The following GAR1 variants were observed in gnomAD, a reference collection of about 807,000 sequenced individuals.
GAR1 encodes the protein GAR1 ribonucleoprotein.
GAR1 carries 11 observed loss-of-function variants against 29.3 expected under a neutral mutation model. The observed-to-expected ratio is 0.38, with a 90% CI of 0.24 to 0.62. GAR1 has a LOEUF of 0.62. Among genes scored for constraint, GAR1 ranks in the 20% least tolerant of loss-of-function variants. The pLI is 0.62. For synonymous variants in GAR1, 87 were observed against 93.3 expected, an observed-to-expected ratio of 0.93 and a Z score of 0.39; for missense variants, 237 against 268.4, an observed-to-expected ratio of 0.88 and a Z score of 0.82.
rs75696226 is a variant in GAR1, at chr4:109,820,700, A to G, written c.429+1640A>G. On this transcript the variant is annotated intron_variant, in intron 4 of 6. Coordinates refer to ENST00000226796, the MANE Select transcript of GAR1 (RefSeq NM_018983.4). ...AGTGTTCATTGGAAGACAGCCACAT[A>G]GACATCAGGGAGTCATGGAGCCAGT... 4.6e-3 allele frequency among the ~76,000 whole-genome samples: 694 copies of G among 152,326 alleles called. 5 individuals are homozygous for G. The highest frequency in any genetic ancestry group is 0.015 in the African/African-American group (628 of 41,572).
At chr4:109,817,883 T>C in intron 2 of GAR1, 53 bp from the exon 3 acceptor site, 2 of 1,447,880 alleles carry the variant, frequency 1.4e-6, no homozygotes, top group Non-Finnish European at 1.9e-6. Context: ...AAGCAGTTGG[T>C]CAGTATCGTT....
chr4:109,823,756 T>G (rs1312165581), intron 5 of GAR1, among the ~76,000 whole-genome samples: 6 of 152,176 alleles, frequency 3.9e-5, no homozygotes, highest in Admixed American at 3.3e-4. Flanking sequence ...GCCCAGTTGG[T>G]AAACTACTAC....
intron 2 of GAR1, among the ~76,000 whole-genome samples, chr4:109,817,533 T>C (rs1733386123): frequency 6.6e-6 from 1 of 152,070 alleles, no homozygotes; most frequent in Admixed American, 6.5e-5. Context: ...ACCAAGAGAA[T>C]GAAGCAGAGT....
At chr4:109,822,304 T>C in intron 4 of GAR1, 43 bp from the exon 5 acceptor site, 1 of 1,182,850 alleles carries the variant, frequency 8.5e-7, no homozygotes, top group Non-Finnish European at 1.2e-6. Flanking sequence ...TATATTATAC[T>C]GTCCCCCAAG....
chr4:109,820,244 TCAC>T (rs1037746141), intron 4 of GAR1, among the ~76,000 whole-genome samples: 16 of 152,098 alleles, frequency 1.1e-4, no homozygotes, highest in African/African-American at 3.6e-4. Context: ...AGTAAAAAAA[TCAC>T]CATCTTTCAG....
chr4:109,817,588 G>A lies in GAR1; in HGVS notation c.215-348G>A, dbSNP rs947330101. On this transcript the variant is annotated intron_variant, in intron 2 of 6. Transcript: ENST00000226796. Reference sequence around the variant, plus strand: ...TGTAATAACATAACTGTTACAGGTTGAATGGTGTCAGTGTGCCAGGCACTG... The same window carrying A: ...TGTAATAACATAACTGTTACAGGTTAAATGGTGTCAGTGTGCCAGGCACTG... 2.0e-5 allele frequency among the ~76,000 whole-genome samples: 3 copies of A among 152,212 alleles called. No individual in the cohort carries two copies. The East Asian group carries it at 5.8e-4, about 29-fold the overall frequency.
chr4:109,822,601 A>G (rs2125890121), intron 5 of GAR1, 113 bp downstream of exon 5: 1 of 1,085,282 alleles, frequency 9.2e-7, no homozygotes, highest in Admixed American at 3.0e-5. Context: ...TCTTTTTATT[A>G]AAGCTGCTTT....
rs745872129 is a variant in GAR1 at position 109,818,980 on chromosome 4, G to T, written c.370-21G>T. On this transcript the variant is annotated intron_variant, in intron 3 of 6. Coordinates refer to ENST00000226796, the MANE Select transcript of GAR1 (RefSeq NM_018983.4). ...CATCTTTCATCTTAATTGCTCATTTGTTCCTTAATGAAAATAATAGTATTT... is the reference window on the plus strand; with the variant it reads ...CATCTTTCATCTTAATTGCTCATTTTTTCCTTAATGAAAATAATAGTATTT... 2.9e-6 allele frequency: 3 copies of T among 1,030,680 alleles called. No homozygotes were observed. The East Asian group carries it at 7.1e-5, about 24-fold the overall frequency. 63.8% of individuals were successfully genotyped at this position (1,030,680 alleles called of 1,614,324 possible).
At position 109,821,521 on chromosome 4, in the gene GAR1, A is replaced by G. The variant is rs563802506; in HGVS notation, c.430-826A>G. 7.2e-5 allele frequency among the ~76,000 whole-genome samples: 11 copies of G among 152,308 alleles called. No homozygotes were observed. The South Asian group carries it at 1.4e-3, about 20-fold the overall frequency. ...TTGAGAAATGTCCTCTTTAACCCCA[A>G]TTATAGGATGGGTATAGTTTCTGTA... On this transcript the variant is annotated intron_variant, in intron 4 of 6. Transcript: ENST00000226796.
At position 109,824,647 on chromosome 4, in the gene GAR1, G is replaced by T. The variant is rs1733603988; in HGVS notation, c.*216G>T. 2.2e-6 allele frequency: 1 copy of T among 457,264 alleles called. No individual in the cohort carries two copies. Among genetic ancestry groups the T allele is most frequent in the Non-Finnish European group, 3.9e-6 (1 of 253,864 alleles). 28.3% of individuals were successfully genotyped at this position (457,264 alleles called of 1,614,324 possible). A position where few individuals can be genotyped will look rare whatever the true frequency, so the allele number is the denominator to read the frequency against. On this transcript the variant is annotated 3_prime_UTR_variant, in exon 7 of 7. Coordinates refer to ENST00000226796, the MANE Select transcript of GAR1 (RefSeq NM_018983.4). ...AAGTCTTTCTAATGTTTTGTACAGT[G>T]CCTGGCACTCTGTGGGTGCTCAATA...
intron 4 of GAR1, among the ~76,000 whole-genome samples, chr4:109,820,243 A>G (rs1733476613): frequency 6.6e-6 from 1 of 152,220 alleles, no homozygotes; most frequent in African/African-American, 2.4e-5. Context: ...AAGTAAAAAA[A>G]TCACCATCTT....
chr4:109,819,123 A>G lies in GAR1; in HGVS notation c.429+63A>G, dbSNP rs748394007. 7 of 859,748 alleles carry G rather than the reference A, an allele frequency of 8.1e-6. No homozygotes were observed. In the Middle Eastern group the frequency reaches 1.5e-3, roughly 187 times the overall value. The allele number at this position is 859,748 out of a possible 1,614,324, so 53.3% of individuals were successfully genotyped here. On this transcript the variant is annotated intron_variant, in intron 4 of 6. Coordinates refer to ENST00000226796, the MANE Select transcript of GAR1 (RefSeq NM_018983.4). Reference sequence around the variant, plus strand: ...ATAAGGGAACGACCTATCTTAGGAAAGTCCTACTTGGAGCACTTGAGACTT... The same window carrying G: ...ATAAGGGAACGACCTATCTTAGGAAGGTCCTACTTGGAGCACTTGAGACTT...
chr4:109,816,528 C>G, intron 2 of GAR1, 150 bp downstream of exon 2: 1 of 743,942 alleles, frequency 1.3e-6, no homozygotes, highest in African/African-American at 1.7e-5. Flanking sequence ...CTGAGGGATA[C>G]TTAGAATGCA....
At chr4:109,817,899 T>G in intron 2 of GAR1, 37 bp from the exon 3 acceptor site, 2 of 1,555,822 alleles carry the variant, frequency 1.3e-6, no homozygotes, top group East Asian at 4.5e-5. Context: ...TCGTTTGAAA[T>G]AGTTCTATGT....
chr4:109,822,155 T>TAAAAAAAAAAAAG (rs1733530875), intron 4 of GAR1, among the ~76,000 whole-genome samples, 192 bp from the exon 5 acceptor site: 1 of 101,640 alleles, frequency 9.8e-6, no homozygotes, highest in Non-Finnish European at 2.0e-5. Flanking sequence ...GAACTTAAGG[T>TAAAAAAAAAAAAG]AAAAAAAAAA....
chr4:109,818,143 T>A (rs1560579434), intron 3 of GAR1, 53 bp downstream of exon 3: 7 of 1,325,672 alleles, frequency 5.3e-6, no homozygotes, highest in Non-Finnish European at 3.2e-6. Flanking sequence ...CTATTTGCAT[T>A]TTTCTGAGGA....
rs1309763202 is a variant in GAR1 at position 109,824,426 on chromosome 4, C to T, written c.649C>T (p.His217Tyr). ...GRGGGFRGRGH is the reference protein window; with the variant it reads ...GRGGGFRGRGY ...AATTTTCTCTTAATCAGGGAGAGGA[C>T]ATTAAGTGAAACAGTTGACAGACAT... is the stretch of plus-strand genomic sequence containing the variant. The change falls in exon 7 of 7, where the codon CAT (histidine) becomes TAT (tyrosine). Residue 217 changes from histidine to tyrosine, a missense_variant. Coordinates refer to ENST00000226796, the MANE Select transcript of GAR1 (RefSeq NM_018983.4). The T allele has an allele frequency of 1.9e-6, 3 of 1,588,952 alleles. No homozygotes were observed. Among genetic ancestry groups the T allele is most frequent in the Non-Finnish European group, 2.6e-6 (3 of 1,157,558 alleles).
intron 1 of GAR1, 75 bp from the exon 2 acceptor site, chr4:109,816,078 C>G (rs1256493293): frequency 4.3e-6 from 6 of 1,400,134 alleles, no homozygotes; most frequent in East Asian, 4.5e-5. Context: ...GGTGTTCTCA[C>G]CGCAGCTCCG....
At chr4:109,822,237 T>G in intron 4 of GAR1, 110 bp from the exon 5 acceptor site, 1 of 589,084 alleles carries the variant, frequency 1.7e-6, no homozygotes, top group Non-Finnish European at 2.9e-6. Context: ...TAGAAAGTGG[T>G]AGGATTGGGG....
Sources: gnomAD v4.1 joint callset for allele counts (sites outside exome capture counted in the v4.1 genomes callset) on GRCh38, gnomAD v4.1.1 for gene constraint, MANE v1.5 for transcripts, NCBI Gene and HGNC (gene_info 2026-07-23, HGNC 2026-07-21) for gene names.